Variants in ADA2 observed in about 807,000 individuals in gnomAD.
The protein encoded by ADA2 is adenosine deaminase CECR1.
In ADA2, 29 loss-of-function variants were observed where a neutral mutation model predicts 44.2. The ratio of observed to expected loss-of-function variants is 0.66; its 90% confidence interval spans 0.49 to 0.89. ADA2 has a LOEUF of 0.89. Ranked by LOEUF, ADA2 falls within the 40% of genes least tolerant of loss-of-function variation. ADA2 has a pLI of 0.00. For synonymous variants in ADA2, 215 were observed against 234.9 expected (o/e 0.92, Z 0.77); for missense variants, 637 against 644.8 (o/e 0.99, Z 0.13).
At chr22:17,220,663 C>A (rs2062516541), upstream of ADA2, among the ~76,000 whole-genome samples, 1 of 152,116 alleles carries the variant, frequency 6.6e-6, no homozygotes, top group Non-Finnish European at 1.5e-5. Context: ...GACTCGATTG[C>A]ACCCCACTCC....
chr22:17,190,392 A>G (rs2062100464), intron 5 of ADA2, among the ~76,000 whole-genome samples: 1 of 151,880 alleles, frequency 6.6e-6, no homozygotes, highest in Non-Finnish European at 1.5e-5. Flanking sequence ...GTAGACATGG[A>G]TGCAGCTCAG....
chr22:17,218,834 A>G (rs1037114336), intron 1 of ADA2, among the ~76,000 whole-genome samples: 1 of 152,220 alleles, frequency 6.6e-6, no homozygotes, highest in Non-Finnish European at 1.5e-5. Context: ...GGATGCATGA[A>G]AACTTCATAA....
At chr22:17,197,868 G>A (rs1330808517) in intron 4 of ADA2, among the ~76,000 whole-genome samples, 3 of 152,028 alleles carry the variant, frequency 2.0e-5, no homozygotes, top group Non-Finnish European at 2.9e-5. Flanking sequence ...GAGAAACCCC[G>A]TCTCTACTAA....
Position 17,188,126 on chromosome 22 carries a change from G to T in ADA2, c.1081+213C>A, listed in dbSNP as rs2062060125. ...AGAAAAGAAAACAGGAAGGAAAGAA[G>T]AAAGAGAAACTAGAAATAATACATG... is the stretch of plus-strand genomic sequence containing the variant. On this transcript the variant is annotated intron_variant, in intron 7 of 9. Transcript: ENST00000399837. Among the ~76,000 whole-genome samples the T allele has an allele frequency of 2.0e-5, 3 of 151,642 alleles. No homozygotes were observed. In the South Asian group the frequency reaches 6.3e-4, roughly 32 times the overall value.
chr22:17,199,561 C>G, intron 4 of ADA2: 3 of 1,609,902 alleles, frequency 1.9e-6, no homozygotes, highest in Non-Finnish European at 2.5e-6. Flanking sequence ...GAGCCCAGTT[C>G]CATTCCAGGG....
chr22:17,198,171 T>G (rs755965409), intron 4 of ADA2, among the ~76,000 whole-genome samples: 2 of 152,142 alleles, frequency 1.3e-5, no homozygotes, highest in Non-Finnish European at 2.9e-5. Flanking sequence ...TGCCCCCTCC[T>G]GTAGAAAGGT....
At position 17,182,744 on chromosome 22, in the gene ADA2, T is replaced by C; in HGVS notation, c.1099A>G (p.Ile367Val). 6.2e-7 allele frequency: 1 copy of C among 1,613,720 alleles called. No homozygotes were observed. Among genetic ancestry groups the C allele is most frequent in the African/African-American group, 1.3e-5 (1 of 75,046 alleles). Residue 367 changes from isoleucine (I) to valine (V), a missense_variant, in exon 8 of 10, where the codon ATA becomes GTA. By Grantham distance (29) the Ile-to-Val change is conservative. Coordinates refer to ENST00000399837, the MANE Select transcript of ADA2 (RefSeq NM_001282225.2). The stretch of plus-strand genomic sequence containing the variant: ...AGAGCATCCAGAATGTTCCTGTCTA[T>C]GGAAGTACCCTGCCAGTCTGAACAC... ...AGETDWQGTSIDRNILDALML... is the reference protein window; with the variant it reads ...AGETDWQGTSVDRNILDALML...
chr22:17,209,691 C>A lies in ADA2; in HGVS notation c.-14G>T, dbSNP rs367835936. ...ATCCACCAACATCGGGATGCCTGGA[C>A]TAGGAAAGGGCTCAGATGGAGACTC... is the stretch of plus-strand genomic sequence containing the variant. On this transcript the variant is annotated 5_prime_UTR_variant, in exon 2 of 10. Transcript: ENST00000399837. The A allele has an allele frequency of 2.5e-6, 4 of 1,606,312 alleles. No individual in the cohort carries two copies. Among genetic ancestry groups the A allele is most frequent in the Non-Finnish European group, 3.4e-6 (4 of 1,177,200 alleles).
chr22:17,198,626 G>T (rs900912662), intron 4 of ADA2: 1 of 152,176 alleles, frequency 6.6e-6, no homozygotes, highest in South Asian at 2.1e-4. Flanking sequence ...CTTAGAAAAC[G>T]TCTGGGAACG....
intron 3 of ADA2, 44 bp downstream of exon 3, chr22:17,207,027 C>T (rs763047917): frequency 1.3e-6 from 2 of 1,495,820 alleles, no homozygotes; most frequent in Non-Finnish European, 1.9e-6. Flanking sequence ...CCACTGCCAC[C>T]CCATGACAGG....
rs139109959 is a variant in ADA2, at chr22:17,184,485, G to A, written c.1082-1724C>T. ...TCACCCCAAATGTGATTCACCATCCGACAACCAAGTGGGGCAGAATCACCC... is the reference window on the plus strand; with the variant it reads ...TCACCCCAAATGTGATTCACCATCCAACAACCAAGTGGGGCAGAATCACCC... On this transcript the variant is annotated intron_variant, in intron 7 of 9. Transcript: ENST00000399837. Among the ~76,000 whole-genome samples the A allele has an allele frequency of 5.3e-3, 808 of 152,182 alleles. 9 individuals carry two copies. Among genetic ancestry groups the A allele is most frequent in the African/African-American group, 0.019 (773 of 41,524 alleles).
intron 7 of ADA2, among the ~76,000 whole-genome samples, chr22:17,187,154 GA>G (rs1568970618): frequency 8.8e-5 from 12 of 136,804 alleles, no homozygotes. Flanking sequence ...GCCACAGAGC[GA>G]GACTCCATCT....
chr22:17,191,376 C>T (rs915921076), intron 5 of ADA2, among the ~76,000 whole-genome samples: 3 of 152,244 alleles, frequency 2.0e-5, no homozygotes, highest in Non-Finnish European at 4.4e-5. Context: ...AACCATTATG[C>T]TCATAAATGA....
chr22:17,186,184 T>C (rs1437735621), intron 7 of ADA2, among the ~76,000 whole-genome samples: 1 of 152,196 alleles, frequency 6.6e-6, no homozygotes, highest in Non-Finnish European at 1.5e-5. Context: ...TCCTCCCTCT[T>C]CTGCCAATTT....
At chr22:17,208,932 G>A (rs1408509866) in intron 2 of ADA2, among the ~76,000 whole-genome samples, 4 of 151,834 alleles carry the variant, frequency 2.6e-5, no homozygotes, top group South Asian at 2.1e-4. Flanking sequence ...GGGCTCAAGC[G>A]ATACTCTCCA....
rs756397692 is a variant in ADA2 at position 17,181,518 on chromosome 22, A to G, written c.1501T>C (p.Trp501Arg). 2 of 1,613,546 alleles carry G rather than the reference A, an allele frequency of 1.2e-6. No homozygotes were observed. Among genetic ancestry groups the G allele is most frequent in the Non-Finnish European group, 1.7e-6 (2 of 1,179,532 alleles). ...NTFMEIWKKR[W>R]DKFIADVATK is the part of the protein sequence containing the mutation. ...GCCACATCTGCTATGAACTTATCCC[A>G]TCTCTTCTTCCAGATTTCCATGAAA... The change falls in exon 10 of 10, where the codon TGG (tryptophan) becomes CGG (arginine). Residue 501 changes from tryptophan to arginine, a missense_variant. By Grantham distance (101) the Trp-to-Arg change is moderately radical (BLOSUM62 -3). Transcript: ENST00000399837.
chr22:17,199,996 A>T (rs574600398), intron 4 of ADA2, among the ~76,000 whole-genome samples: 1 of 152,212 alleles, frequency 6.6e-6, no homozygotes, highest in South Asian at 2.1e-4. Flanking sequence ...TGAGTTCGAA[A>T]CCAGCCTGGC....
intron 7 of ADA2, among the ~76,000 whole-genome samples, chr22:17,187,418 A>G (rs2062048136): frequency 6.6e-6 from 1 of 152,052 alleles, no homozygotes; most frequent in African/African-American, 2.4e-5. Context: ...GCCTCTAAGT[A>G]GGTGGGACCA....
At chr22:17,196,023 AG>A (rs1282047944) in intron 4 of ADA2, among the ~76,000 whole-genome samples, 1 of 151,916 alleles carries the variant, frequency 6.6e-6, no homozygotes, top group East Asian at 2.0e-4. Context: ...CTGGGATTAC[AG>A]GCATGAGCCA....
Sources: allele counts gnomAD v4.1 joint callset (sites outside exome capture counted in the v4.1 genomes callset), GRCh38; gene constraint gnomAD v4.1.1; transcripts MANE v1.5; gene names NCBI Gene and HGNC (gene_info 2026-07-23, HGNC 2026-07-21).